Variants in NCAPG observed in about 807,000 individuals in gnomAD.
The protein encoded by NCAPG is condensin complex subunit 3.
NCAPG carries 69 observed loss-of-function variants against 113.1 expected under a neutral mutation model. The ratio of observed to expected loss-of-function variants is 0.61; its 90% CI spans 0.50 to 0.75. NCAPG has a LOEUF of 0.75. Among genes scored for constraint, NCAPG ranks in the 30% least tolerant of loss-of-function variants. The probability of loss-of-function intolerance (pLI) is 0.00; values close to 1 mark genes in which losing one functional copy is unlikely to be tolerated. For missense variants in NCAPG, 1,058 were observed against 1,177.0 expected (o/e 0.90, Z 1.48); for synonymous variants, 370 against 415.8 (o/e 0.89, Z 1.34).
intron 19 of NCAPG, 113 bp from the exon 20 acceptor site, chr4:17,842,197 G>GTGT: frequency 1.2e-6 from 1 of 822,766 alleles, no homozygotes; most frequent in East Asian, 2.7e-5. Context: ...GGAGATACAT[G>GTGT]TGTTGAAAGG....
rs768204906 is a variant in NCAPG at position 17,818,095 on chromosome 4, T to G, written c.1118+7T>G. 4.4e-6 allele frequency: 7 copies of G among 1,591,916 alleles called. No homozygotes were observed. Among genetic ancestry groups the G allele is most frequent in the Non-Finnish European group, 6.0e-6 (7 of 1,171,704 alleles). On this transcript the variant is annotated splice_region_variant and intron_variant, in intron 7 of 20. Coordinates refer to ENST00000251496, the MANE Select transcript of NCAPG (RefSeq NM_022346.5). ...ATGCAGACTATTTATTGAGGTAAATTTTTTTTCTTTTAGTTTGGAGAGTGA... is the reference window on the plus strand; with the variant it reads ...ATGCAGACTATTTATTGAGGTAAATGTTTTTTCTTTTAGTTTGGAGAGTGA...
chr4:17,811,004 C>T lies in NCAPG; in HGVS notation c.-74C>T, dbSNP rs1161791823. ...GTCATAGAAGACTACTCGGAGAGCG[C>T]TGCCTCTGGGTTGGCGGGCTGGCAG... On this transcript the variant is annotated 5_prime_UTR_variant, in exon 1 of 21. Transcript: ENST00000251496. This position sits in a 1 kb window ranked among gnomAD's most constrained non-coding sequence, Gnocchi z 5.3. 4.6e-6 allele frequency: 4 copies of T among 863,930 alleles called. No individual in the cohort carries two copies. Among genetic ancestry groups the T allele is most frequent in the Non-Finnish European group, 6.8e-6 (4 of 585,270 alleles). 53.5% of individuals were successfully genotyped at this position (863,930 alleles called of 1,614,324 possible).
At chr4:17,812,873 G>A (rs780684457) in intron 2 of NCAPG, 44 bp from the exon 3 acceptor site, 2 of 1,462,052 alleles carry the variant, frequency 1.4e-6, no homozygotes. Flanking sequence ...TTATTTGGGA[G>A]TGGTATGTGA....
intron 14 of NCAPG, among the ~76,000 whole-genome samples, chr4:17,835,209 CTTAAT>C (rs1048103283): frequency 4.6e-5 from 7 of 151,986 alleles, no homozygotes; most frequent in African/African-American, 1.7e-4. Flanking sequence ...TATAACAAAA[CTTAAT>C]TTTATTTTTT....
rs1722639926 is a variant in NCAPG at position 17,843,587 on chromosome 4, G to GCAT, written c.*165_*167dup. On this transcript the variant is annotated 3_prime_UTR_variant, in exon 21 of 21. Transcript: ENST00000251496. The stretch of plus-strand genomic sequence containing the variant: ...TGGCCTGTATTAAAGCAGTAGAGCA[G>GCAT]CATCAGTTATTATAGTCCAGAAAAA... The GCAT allele has an allele frequency of 7.7e-6, 5 of 647,920 alleles. No homozygotes were observed. In the Admixed American group the frequency reaches 1.5e-4, roughly 20 times the overall value. The allele number at this position is 647,920 out of a possible 1,614,324, so 40.1% of individuals were successfully genotyped here.
chr4:17,834,262 G>A, intron 13 of NCAPG, 37 bp from the exon 14 acceptor site: 1 of 1,363,084 alleles, frequency 7.3e-7, no homozygotes, highest in Non-Finnish European at 9.9e-7. Context: ...ACAGTTTACT[G>A]AATTTACTTT....
chr4:17,835,401 AGGC>A (rs1408460330), intron 14 of NCAPG, among the ~76,000 whole-genome samples: 12 of 152,114 alleles, frequency 7.9e-5, no homozygotes, highest in African/African-American at 2.9e-4. Context: ...TCTGTTGCCC[AGGC>A]TGGTCTTGAA....
chr4:17,838,245 T>C (rs1722183802), intron 16 of NCAPG, among the ~76,000 whole-genome samples: 1 of 152,226 alleles, frequency 6.6e-6, no homozygotes, highest in African/African-American at 2.4e-5. Flanking sequence ...GAACTTAAGC[T>C]GGGTTGTTTT....
chr4:17,821,296 T>A (rs77262587), intron 7 of NCAPG, among the ~76,000 whole-genome samples: 1,814 of 152,228 alleles, frequency 0.012, 18 homozygotes, highest in Non-Finnish European at 0.018. Flanking sequence ...CTTAGTTTCC[T>A]ACTAGAACCC....
chr4:17,842,440 G>GA (rs1722503835), intron 20 of NCAPG, 61 bp downstream of exon 20: 1 of 1,362,506 alleles, frequency 7.3e-7, no homozygotes, highest in East Asian at 2.3e-5. Context: ...TCTACAAGTA[G>GA]AAAAAAACTA....
chr4:17,825,588 T>G, intron 11 of NCAPG, 27 bp downstream of exon 11: 1 of 1,542,790 alleles, frequency 6.5e-7, no homozygotes, highest in Non-Finnish European at 8.7e-7. Flanking sequence ...TCATACTAAA[T>G]CTCAGGTGTT....
In NCAPG at chr4:17,811,310, A is replaced by C; in HGVS notation, c.111+122A>C. On this transcript the variant is annotated intron_variant, in intron 1 of 20. Transcript: ENST00000251496. This position sits in a 1 kb window ranked among gnomAD's most constrained non-coding sequence, Gnocchi z 5.3. ...CCAGCCTTGTTCACCTTCGCGACTC[A>C]CTTCATAGGGATCTGAGGTTCGGAG... 1.4e-5 allele frequency: 8 copies of C among 557,158 alleles called. No individual in the cohort carries two copies. Among genetic ancestry groups the C allele is most frequent in the African/African-American group, 4.1e-5 (2 of 49,068 alleles). The allele number at this position is 557,158 out of a possible 1,614,324, so 34.5% of individuals were successfully genotyped here.
Position 17,831,413 on chromosome 4 carries a change from G to A in NCAPG, c.1884+297G>A, listed in dbSNP as rs192591180. 4.7e-3 allele frequency among the ~76,000 whole-genome samples: 723 copies of A among 152,238 alleles called. 4 individuals carry two copies. Among genetic ancestry groups the A allele is most frequent in the African/African-American group, 0.017 (697 of 41,542 alleles). On this transcript the variant is annotated intron_variant, in intron 13 of 20. Transcript: ENST00000251496. ...AGAAGAAATAAAGTAGGTAGGTAGT[G>A]AATAAAACAAGATAAAATGTGTTGT...
At chr4:17,818,229 C>A in intron 7 of NCAPG, 141 bp downstream of exon 7, 2 of 775,418 alleles carry the variant, frequency 2.6e-6, no homozygotes, top group Non-Finnish European at 3.9e-6. Flanking sequence ...TTATATACAT[C>A]GAGTCTTTTT....
Position 17,843,325 on chromosome 4 carries a change from A to G in NCAPG, c.2948A>G (p.Glu983Gly). ...AGTGATCATGAAGTTCCAGAACCAG[A>G]ATCAGAAATGAAGATGAGACTACCA... is the stretch of plus-strand genomic sequence containing the variant. ...SESDHEVPEP[E>G]SEMKMRLPRR... Residue 983 changes from glutamate (E) to glycine (G), a missense_variant, in exon 21 of 21, where the codon GAA (glutamate) becomes GGA (glycine). Physicochemically the swap from Glu to Gly is moderately conservative, Grantham distance 98 (BLOSUM62 -2). Transcript: ENST00000251496. The G allele has an allele frequency of 3.1e-6, 5 of 1,611,934 alleles. No individual in the cohort carries two copies. In the South Asian group the frequency reaches 5.5e-5, roughly 18 times the overall value.
chr4:17,832,582 G>A (rs1721908443), intron 13 of NCAPG, among the ~76,000 whole-genome samples: 1 of 152,154 alleles, frequency 6.6e-6, no homozygotes, highest in African/African-American at 2.4e-5. Context: ...TATTGAATAG[G>A]CATTTATATA....
Position 17,823,103 on chromosome 4 carries a change from T to G in NCAPG, c.1239T>G (p.Asp413Glu). 6.2e-7 allele frequency: 1 copy of G among 1,608,626 alleles called. No homozygotes were observed. The highest frequency in any genetic ancestry group is 8.5e-7 in the Non-Finnish European group (1 of 1,178,262). Residue 413 changes from aspartate (D) to glutamate (E), a missense_variant, in exon 8 of 21, where the codon GAT becomes GAG. Transcript: ENST00000251496. ...QQLILIIKSLDTSEEGGRKKL... is the reference protein window; with the variant it reads ...QQLILIIKSLETSEEGGRKKL... Reference sequence around the variant, plus strand: ...TGATTCTAATTATTAAGTCTTTGGATACCAGTGAAGAAGGAGGAAGGTATG... The same window carrying G: ...TGATTCTAATTATTAAGTCTTTGGAGACCAGTGAAGAAGGAGGAAGGTATG...
intron 2 of NCAPG, 126 bp from the exon 3 acceptor site, chr4:17,812,791 G>A (rs1279919291): frequency 5.3e-6 from 4 of 755,954 alleles, no homozygotes; most frequent in Admixed American, 5.2e-5. Context: ...TAGCATTATA[G>A]GTTCTCTTCA....
chr4:17,814,600 C>T (rs989415911), intron 3 of NCAPG, among the ~76,000 whole-genome samples: 1 of 152,154 alleles, frequency 6.6e-6, no homozygotes, highest in Non-Finnish European at 1.5e-5. Flanking sequence ...CCATGCCTAG[C>T]TAATTTTTTA....
Sources: gnomAD v4.1 joint callset for allele counts (sites outside exome capture counted in the v4.1 genomes callset) on GRCh38, gnomAD v4.1.1 for gene constraint, Gnocchi (gnomAD v3.1) non-coding constraint, MANE v1.5 for transcripts, NCBI Gene and HGNC (gene_info 2026-07-23, HGNC 2026-07-21) for gene names.